Variants in SLC25A12 observed in about 807,000 individuals in gnomAD.
SLC25A12 encodes the protein solute carrier family 25 member 12, also known as electrogenic aspartate/glutamate antiporter SLC25A12, mitochondrial.
In SLC25A12, 32 loss-of-function variants were observed where a neutral mutation model predicts 83.3. The ratio of observed to expected loss-of-function variants is 0.38; its 90% CI spans 0.29 to 0.52. The LOEUF (loss-of-function observed/expected upper bound fraction) is 0.52, where lower values mean the gene tolerates loss of function less well. Ranked by LOEUF, SLC25A12 falls within the 20% of genes least tolerant of loss-of-function variation. The probability of loss-of-function intolerance (pLI) is 0.84; values close to 1 mark genes in which losing one functional copy is unlikely to be tolerated. For missense variants in SLC25A12, 611 were observed against 835.6 expected (o/e 0.73, Z 3.31); for synonymous variants, 267 against 291.1 (o/e 0.92, Z 0.84).
intron 13 of SLC25A12, among the ~76,000 whole-genome samples, chr2:171,795,709 T>C (rs1374075473): frequency 1.3e-5 from 2 of 152,198 alleles, no homozygotes; most frequent in Non-Finnish European, 1.5e-5. Context: ...CTAAGGTCTT[T>C]CATGTTTGTA....
intron 8 of SLC25A12, among the ~76,000 whole-genome samples, chr2:171,830,652 T>C (rs1684413169): frequency 6.6e-6 from 1 of 152,172 alleles, no homozygotes; most frequent in Non-Finnish European, 1.5e-5. Context: ...TAACTGGGAT[T>C]ACAGATGCAC....
chr2:171,877,246 G>T lies in SLC25A12; in HGVS notation c.67-8423C>A, dbSNP rs542071032. Among the ~76,000 whole-genome samples, 6 of 152,264 alleles carry T rather than the reference G, an allele frequency of 3.9e-5. No individual in the cohort carries two copies. The East Asian group carries it at 1.2e-3, about 29-fold the overall frequency. On this transcript the variant is annotated intron_variant, in intron 2 of 17. Transcript: ENST00000422440. Reference sequence around the variant, plus strand: ...CTCTAGCTCCAAATGAGAAGATCATGCCATTTAAAAATGTTTTGCCTACCA... The same window carrying T: ...CTCTAGCTCCAAATGAGAAGATCATTCCATTTAAAAATGTTTTGCCTACCA...
At chr2:171,867,209 C>T (rs2105916125) in intron 3 of SLC25A12, among the ~76,000 whole-genome samples, 1 of 150,914 alleles carries the variant, frequency 6.6e-6, no homozygotes, top group South Asian at 2.1e-4. Flanking sequence ...GGCAGAGACG[C>T]TCCTCACTTC....
At chr2:171,879,978 T>C (rs985657404) in intron 2 of SLC25A12, among the ~76,000 whole-genome samples, 4 of 152,136 alleles carry the variant, frequency 2.6e-5, no homozygotes, top group Non-Finnish European at 2.9e-5. Context: ...TCAAAAGAAA[T>C]TGATGATAAG....
In SLC25A12 at chr2:171,891,893, T is replaced by C. The variant is rs147751416; in HGVS notation, c.66+1312A>G. Among the ~76,000 whole-genome samples the C allele has an allele frequency of 2.6e-3, 401 of 152,366 alleles. 2 individuals carry two copies. Among genetic ancestry groups the C allele is most frequent in the African/African-American group, 8.7e-3 (361 of 41,584 alleles). ...CTTTAAGATTCCCATTTTCACAAATTATTTTTCATAAACTACACATATGTA... is the reference window on the plus strand; with the variant it reads ...CTTTAAGATTCCCATTTTCACAAATCATTTTTCATAAACTACACATATGTA... On this transcript the variant is annotated intron_variant, in intron 2 of 17. Coordinates refer to ENST00000422440, the MANE Select transcript of SLC25A12 (RefSeq NM_003705.5).
chr2:171,826,792 T>C lies in SLC25A12; in HGVS notation c.930+6A>G, dbSNP rs1684308905. On this transcript the variant is annotated splice_donor_region_variant and intron_variant, in intron 9 of 17. Transcript: ENST00000422440. ...AAGGTGATCATATTTATGAGATTAC[T>C]CATACCTGTCTCTGAAGTTCTGCCA... 6.6e-6 allele frequency: 10 copies of C among 1,519,962 alleles called. No individual in the cohort carries two copies. Among genetic ancestry groups the C allele is most frequent in the Non-Finnish European group, 9.1e-6 (10 of 1,093,994 alleles). The allele number at this position is 1,519,962 out of a possible 1,614,324, so 94.2% of individuals were successfully genotyped here. A position where few individuals can be genotyped will look rare whatever the true frequency, so the allele number is the denominator to read the frequency against.
intron 13 of SLC25A12, among the ~76,000 whole-genome samples, chr2:171,804,333 A>G (rs1330602430): frequency 6.6e-6 from 1 of 152,080 alleles, no homozygotes; most frequent in Non-Finnish European, 1.5e-5. Flanking sequence ...ATCTCTGCTC[A>G]TTGCAACCTC....
At chr2:171,838,648 G>A (rs1684610483) in intron 5 of SLC25A12, among the ~76,000 whole-genome samples, 1 of 152,150 alleles carries the variant, frequency 6.6e-6, no homozygotes, top group South Asian at 2.1e-4. Flanking sequence ...TCAAGATGAA[G>A]CAGAATGCTC....
intron 2 of SLC25A12, among the ~76,000 whole-genome samples, chr2:171,875,729 T>C (rs1304687252): frequency 6.6e-6 from 1 of 151,908 alleles, no homozygotes; most frequent in South Asian, 2.1e-4. Context: ...CTGGCTAACA[T>C]GGTGAAACCC....
intron 6 of SLC25A12, 112 bp downstream of exon 6, chr2:171,837,009 A>C: frequency 1.0e-6 from 1 of 999,260 alleles, no homozygotes; most frequent in Non-Finnish European, 1.5e-6. Flanking sequence ...CTACCAACCA[A>C]GCATGAAATT....
At chr2:171,808,559 A>G (rs1441193811) in intron 13 of SLC25A12, among the ~76,000 whole-genome samples, 1 of 152,232 alleles carries the variant, frequency 6.6e-6, no homozygotes, top group Non-Finnish European at 1.5e-5. Context: ...TCCAGTTAAC[A>G]TATATGAATG....
In SLC25A12 at chr2:171,784,198, C is replaced by G. The variant is rs899423590; in HGVS notation, c.*1076G>C. ...AATCACCATATAGAGCTTTTCTTCT[C>G]TTTCTTCTTCCCTCCCTTCACTCTG... On this transcript the variant is annotated 3_prime_UTR_variant, in exon 18 of 18. Transcript: ENST00000422440. Among the ~76,000 whole-genome samples the G allele has an allele frequency of 3.9e-5, 6 of 152,216 alleles. No individual in the cohort carries two copies. The highest frequency in any genetic ancestry group is 1.2e-4 in the African/African-American group (5 of 41,456).
At chr2:171,832,331 C>A (rs1684458421) in intron 8 of SLC25A12, among the ~76,000 whole-genome samples, 1 of 152,154 alleles carries the variant, frequency 6.6e-6, no homozygotes, top group African/African-American at 2.4e-5. Flanking sequence ...CAGGATACTT[C>A]CCAAGGTCCT....
intron 5 of SLC25A12, among the ~76,000 whole-genome samples, chr2:171,839,301 A>T (rs2105890886): frequency 6.6e-6 from 1 of 152,336 alleles, no homozygotes; most frequent in Non-Finnish European, 1.5e-5. Context: ...CCACACCTAA[A>T]GCCCATAGTT....
At chr2:171,815,244 A>G (rs374509212) in intron 9 of SLC25A12, 42 bp from the exon 10 acceptor site, 10 of 1,354,108 alleles carry the variant, frequency 7.4e-6, no homozygotes, top group Admixed American at 1.7e-5. Flanking sequence ...TTGAAAGCGC[A>G]CACAGCAAGT....
chr2:171,865,064 C>A (rs1285516748), intron 3 of SLC25A12, among the ~76,000 whole-genome samples: 1 of 152,182 alleles, frequency 6.6e-6, no homozygotes, highest in African/African-American at 2.4e-5. Flanking sequence ...AGCTTTCTAA[C>A]ATACCATAAT....
intron 8 of SLC25A12, among the ~76,000 whole-genome samples, chr2:171,832,359 G>T (rs919279304): frequency 6.6e-6 from 1 of 151,910 alleles, no homozygotes; most frequent in Non-Finnish European, 1.5e-5. Context: ...CTTTAACCAG[G>T]GCCACCTTAG....
At chr2:171,887,473 A>AAG (rs1002153764) in intron 2 of SLC25A12, among the ~76,000 whole-genome samples, 1 of 152,242 alleles carries the variant, frequency 6.6e-6, no homozygotes, top group African/African-American at 2.4e-5. Flanking sequence ...ATTAACTAAA[A>AAG]AGAGAGAGAG....
chr2:171,888,516 A>G (rs1299508090), intron 2 of SLC25A12, among the ~76,000 whole-genome samples: 3 of 152,200 alleles, frequency 2.0e-5, no homozygotes, highest in East Asian at 3.9e-4. Flanking sequence ...ATCTCGGCTC[A>G]CTGCAACCCC....
Sources: allele counts gnomAD v4.1 joint callset (sites outside exome capture counted in the v4.1 genomes callset), GRCh38; gene constraint gnomAD v4.1.1; transcripts MANE v1.5; gene names NCBI Gene and HGNC (gene_info 2026-07-23, HGNC 2026-07-21).